The following CELF2 variants were observed in gnomAD, a reference collection of about 807,000 sequenced individuals.
CELF2 encodes CUGBP Elav-like family member 2, also known as CUG triplet repeat RNA-binding protein 2.
Under a neutral mutation model 62.6 loss-of-function variants are expected in CELF2, and 8 were observed. The observed-to-expected ratio is 0.13, with a 90% CI of 0.07 to 0.23. CELF2 has a LOEUF of 0.23. Ranked by LOEUF, CELF2 falls within the 10% of genes least tolerant of loss-of-function variation. The probability of loss-of-function intolerance (pLI) is 1.00; values close to 1 mark genes in which losing one functional copy is unlikely to be tolerated. For synonymous variants in CELF2, 258 were observed against 250.0 expected (o/e 1.03, Z -0.30); for missense variants, 333 against 671.0 (o/e 0.50, Z 5.56).
intron 2 of CELF2, among the ~76,000 whole-genome samples, chr10:10,942,804 G>A (rs1369976378): frequency 6.6e-6 from 1 of 152,086 alleles, no homozygotes; most frequent in Non-Finnish European, 1.5e-5. Context: ...CTAAGTTTTA[G>A]GACAAATTCT....
chr10:11,163,759 A>C (rs576237303), intron 1 of CELF2, among the ~76,000 whole-genome samples: 31 of 152,372 alleles, frequency 2.0e-4, no homozygotes, highest in African/African-American at 7.0e-4. Flanking sequence ...AATTGAAACC[A>C]GGACCTAGCG....
At chr10:10,831,651 G>A (rs1157238028) in intron 1 of CELF2, among the ~76,000 whole-genome samples, 3 of 152,180 alleles carry the variant, frequency 2.0e-5, no homozygotes. Context: ...CCAGTACAAT[G>A]CCTGGAACAT....
chr10:10,709,905 T>A, the CELF2 span, among the ~76,000 whole-genome samples: 2 of 152,300 alleles, frequency 1.3e-5, no homozygotes, highest in East Asian at 3.9e-4. Flanking sequence ...CCAACCTAAC[T>A]CTCCCCACGA....
rs897864995 is a variant in CELF2 at position 11,285,396 on chromosome 10, T to C, written c.842-3022T>C. On this transcript the variant is annotated intron_variant, in intron 8 of 12. Coordinates refer to ENST00000633077, the MANE Select transcript of CELF2 (RefSeq NM_001326342.2). The surrounding 1 kb of genome is among the most constrained non-coding windows in gnomAD (Gnocchi z 4.3). Reference sequence around the variant, plus strand: ...AGACTCAGCCACTCCCCCTGGACTTTCCAGGCGGCAGCAGGGAAAGGCTTA... The same window carrying C: ...AGACTCAGCCACTCCCCCTGGACTTCCCAGGCGGCAGCAGGGAAAGGCTTA... Among the ~76,000 whole-genome samples, 2 of 152,124 alleles carry C rather than the reference T, an allele frequency of 1.3e-5. No homozygotes were observed. The highest frequency in any genetic ancestry group is 1.9e-4 in the East Asian group (1 of 5,200).
chr10:10,906,100 A>G (rs2063321970), intron 1 of CELF2, among the ~76,000 whole-genome samples: 1 of 152,078 alleles, frequency 6.6e-6, no homozygotes, highest in South Asian at 2.1e-4. Context: ...ATAAAAAAAT[A>G]AAAGTTGTAA....
At chr10:10,640,827 C>T in the CELF2 span, among the ~76,000 whole-genome samples, 13 of 152,308 alleles carry the variant, frequency 8.5e-5, no homozygotes, top group African/African-American at 2.4e-4. Flanking sequence ...TTCTCATCGT[C>T]CACTGCTCTT....
the CELF2 span, among the ~76,000 whole-genome samples, chr10:10,666,951 A>T: frequency 6.6e-6 from 1 of 152,264 alleles, no homozygotes. Context: ...TTGCACACAC[A>T]TTCACACACA....
the CELF2 span, among the ~76,000 whole-genome samples, chr10:10,611,534 T>C: frequency 6.6e-6 from 1 of 152,184 alleles, no homozygotes; most frequent in Non-Finnish European, 1.5e-5. Flanking sequence ...ATGCCATATT[T>C]GTAACAAAAC....
chr10:10,498,616 C>A, the CELF2 span, among the ~76,000 whole-genome samples: 3 of 152,176 alleles, frequency 2.0e-5, no homozygotes, highest in Non-Finnish European at 2.9e-5. Context: ...CAAGTGTTAT[C>A]TTGCAGGTAC....
Position 10,857,649 on chromosome 10 carries a change from G to GTTTATATATATATA in CELF2, c.53+58833_53+58834insTTATATATATATAT, listed in dbSNP as rs1554855649. Among the ~76,000 whole-genome samples the GTTTATATATATATA allele has an allele frequency of 2.2e-3, 205 of 94,194 alleles. 1 individual carries two copies. Among genetic ancestry groups the GTTTATATATATATA allele is most frequent in the African/African-American group, 6.5e-3 (138 of 21,334 alleles). 61.8% of individuals were successfully genotyped at this position (94,194 alleles called of 152,430 possible). The stretch of plus-strand genomic sequence containing the variant: ...ATATGTGGTAAACTACATATATATA[G>GTTTATATATATATA]TATATATATATATATATATATATAT... On this transcript the variant is annotated intron_variant, in intron 1 of 13. Transcript: ENST00000636488.
chr10:10,689,295 G>A, the CELF2 span, among the ~76,000 whole-genome samples: 8 of 152,138 alleles, frequency 5.3e-5, no homozygotes, highest in Admixed American at 4.6e-4. Context: ...ACAGTGAAGA[G>A]GGAAGTGCCA....
the CELF2 span, among the ~76,000 whole-genome samples, chr10:10,725,821 CTTAT>C: frequency 6.6e-6 from 1 of 151,660 alleles, no homozygotes; most frequent in African/African-American, 2.4e-5. Flanking sequence ...CCTTCCTTCC[CTTAT>C]TTATTTATTA....
the CELF2 span, among the ~76,000 whole-genome samples, chr10:10,733,280 C>T: frequency 1.3e-5 from 2 of 152,124 alleles, no homozygotes; most frequent in Non-Finnish European, 1.5e-5. Context: ...TGGCTCGGAC[C>T]CATAATCACA....
Position 10,893,197 on chromosome 10 carries a change from G to A in CELF2, c.54-26767G>A, listed in dbSNP as rs574451677. On this transcript the variant is annotated intron_variant, in intron 1 of 13. Transcript: ENST00000636488. ...AACATTCTTCTTTTGCAGAGGCAGG[G>A]CATTTCACACAGAGACACAAGAGAG... 1.7e-3 allele frequency among the ~76,000 whole-genome samples: 252 copies of A among 152,266 alleles called. 4 individuals carry two copies. The highest frequency in any genetic ancestry group is 5.6e-3 in the African/African-American group (232 of 41,540).
chr10:11,245,825 G>A (rs1225900156), intron 3 of CELF2, among the ~76,000 whole-genome samples: 3 of 152,214 alleles, frequency 2.0e-5, no homozygotes, highest in Non-Finnish European at 4.4e-5. Flanking sequence ...TTCAGTGAGT[G>A]AAGCATGCCG....
chr10:11,075,983 C>CT lies in CELF2; in HGVS notation c.74+57826dup, dbSNP rs781145881. On this transcript the variant is annotated intron_variant, in intron 1 of 12. Coordinates refer to ENST00000633077, the MANE Select transcript of CELF2 (RefSeq NM_001326342.2). The surrounding 1 kb of genome is among the most constrained non-coding windows in gnomAD (Gnocchi z 5.4). ...TATTGAAAAATGATATATCAGCATA[C>CT]TTTTTTAGTGTGAGAAAATACCAAT... Among the ~76,000 whole-genome samples, 3 of 151,932 alleles carry CT rather than the reference C, an allele frequency of 2.0e-5. No individual in the cohort carries two copies. The highest frequency in any genetic ancestry group is 4.4e-5 in the Non-Finnish European group (3 of 68,006).
chr10:11,096,092 A>G (rs2049797809), intron 1 of CELF2, among the ~76,000 whole-genome samples: 2 of 152,188 alleles, frequency 1.3e-5, no homozygotes, highest in Non-Finnish European at 2.9e-5. Context: ...CCTCATGTTG[A>G]CCTGCATTTA....
intron 2 of CELF2, among the ~76,000 whole-genome samples, chr10:11,192,246 G>T: frequency 6.6e-6 from 1 of 152,236 alleles, no homozygotes. Flanking sequence ...TCGGCCTCCC[G>T]AGTGAGCATC....
At chr10:10,941,476 T>A (rs1354915938) in intron 2 of CELF2, among the ~76,000 whole-genome samples, 1 of 152,228 alleles carries the variant, frequency 6.6e-6, no homozygotes, top group African/African-American at 2.4e-5. Flanking sequence ...GTAGTAGTTA[T>A]AAAGTAAATT....
Sources: allele counts gnomAD v4.1 joint callset (sites outside exome capture counted in the v4.1 genomes callset), GRCh38; gene constraint gnomAD v4.1.1; non-coding constraint Gnocchi (gnomAD v3.1); transcripts MANE v1.5; gene names NCBI Gene and HGNC (gene_info 2026-07-23, HGNC 2026-07-21).